Variants in GXYLT2 observed in about 807,000 individuals in gnomAD.
The protein encoded by GXYLT2 is glycosyltransferase 8 domain containing 4.
GXYLT2 carries 53 observed loss-of-function variants against 45.8 expected under a neutral mutation model. The ratio of observed to expected loss-of-function variants is 1.16; its 90% CI spans 0.93 to 1.46. The LOEUF is 1.46. Ranked by LOEUF, GXYLT2 falls within the 40% of genes most tolerant of loss-of-function variation. The pLI, the probability that GXYLT2 is intolerant of heterozygous loss-of-function variation, is 0.00. For synonymous variants in GXYLT2, 219 were observed against 214.2 expected, an observed-to-expected ratio of 1.02 and a Z score of -0.19; for missense variants, 551 against 544.4, an observed-to-expected ratio of 1.01 and a Z score of -0.12.
chr3:72,888,455 TCCGCGC>T lies in GXYLT2; in HGVS notation c.225_230del (p.Pro77_Arg78del), dbSNP rs1193739600. The T allele has an allele frequency of 8.2e-7, 1 of 1,223,044 alleles. No individual in the cohort carries two copies. Among genetic ancestry groups the T allele is most frequent in the Non-Finnish European group, 1.0e-6 (1 of 978,388 alleles). The allele number at this position is 1,223,044 out of a possible 1,614,324, so 75.8% of individuals were successfully genotyped here. A position where few individuals can be genotyped will look rare whatever the true frequency, so the allele number is the denominator to read the frequency against. On this transcript the variant is annotated inframe_deletion, in exon 1 of 7. Transcript: ENST00000389617. ...GAGTTCGGAGGCGCCGGCCCCCGCG[TCCGCGC>T]CCCCGAGCGGGCCGCCGGGGCGCTG...
At chr3:72,931,113 C>A (rs898100325) in intron 3 of GXYLT2, among the ~76,000 whole-genome samples, 2 of 152,094 alleles carry the variant, frequency 1.3e-5, no homozygotes, top group Admixed American at 6.5e-5. Flanking sequence ...TGAAGTTATA[C>A]AATGTATGTT....
rs906044203 is a variant in GXYLT2, at chr3:72,953,922, C to T, written c.601-1176C>T. ...CAGCCCAGACAACATAACAACACCT[C>T]GTCTCCACAAATAATTTAAAAAGCC... On this transcript the variant is annotated intron_variant, in intron 3 of 6. Transcript: ENST00000389617. Among the ~76,000 whole-genome samples, 65 of 152,086 alleles carry T rather than the reference C, an allele frequency of 4.3e-4. 1 individual carries two copies. Among genetic ancestry groups the T allele is most frequent in the East Asian group, 9.7e-4 (5 of 5,146 alleles).
At chr3:72,930,963 A>G (rs1403305603) in intron 3 of GXYLT2, among the ~76,000 whole-genome samples, 1 of 152,058 alleles carries the variant, frequency 6.6e-6, no homozygotes, top group Non-Finnish European at 1.5e-5. Context: ...ACAACACCAT[A>G]AACCAGCTGA....
chr3:72,950,065 G>GGTGGCTTATGCCTA (rs11267914), intron 3 of GXYLT2, among the ~76,000 whole-genome samples: 15 of 151,848 alleles, frequency 9.9e-5, no homozygotes, highest in African/African-American at 3.6e-4. Flanking sequence ...GGCCAGGCAT[G>GGTGGCTTATGCCTA]TAATCCCAGC....
chr3:72,914,213 T>C (rs1709687350), intron 2 of GXYLT2, among the ~76,000 whole-genome samples: 1 of 152,184 alleles, frequency 6.6e-6, no homozygotes. Context: ...TTAATTAGAC[T>C]TTTTAAAGTT....
intron 3 of GXYLT2, chr3:72,929,228 G>A: frequency 6.4e-7 from 1 of 1,567,918 alleles, no homozygotes; most frequent in Non-Finnish European, 8.7e-7. Flanking sequence ...ATCTCATGAG[G>A]AGAGGGAACA....
intron 2 of GXYLT2, among the ~76,000 whole-genome samples, chr3:72,916,054 A>C (rs1709736124): frequency 6.6e-6 from 1 of 151,722 alleles, no homozygotes; most frequent in East Asian, 1.9e-4. Context: ...ACTCCTCTGA[A>C]GTTGGGTGTG....
intron 3 of GXYLT2, among the ~76,000 whole-genome samples, chr3:72,950,186 C>T (rs1043636540): frequency 6.6e-6 from 1 of 152,032 alleles, no homozygotes; most frequent in African/African-American, 2.4e-5. Context: ...AGCAGCTGGG[C>T]ACAGTGGCTT....
At chr3:72,932,347 C>T (rs957633461) in intron 3 of GXYLT2, among the ~76,000 whole-genome samples, 2 of 152,166 alleles carry the variant, frequency 1.3e-5, no homozygotes, top group African/African-American at 2.4e-5. Context: ...CATGAGCCAC[C>T]GTACGTGGCC....
At chr3:72,908,291 A>T in intron 1 of GXYLT2, 76 bp from the exon 2 acceptor site, 12 of 923,204 alleles carry the variant, frequency 1.3e-5, no homozygotes, top group Non-Finnish European at 1.9e-5. Context: ...TGTTCTAACC[A>T]TTCACTCGCC....
rs530503897 is a variant in GXYLT2 at position 72,968,404 on chromosome 3, A to G, written c.1149+685A>G. 3.9e-5 allele frequency among the ~76,000 whole-genome samples: 6 copies of G among 152,356 alleles called. No individual in the cohort carries two copies. The South Asian group carries it at 1.2e-3, about 32-fold the overall frequency. ...TAGCTAAATACGTTGCCTGGTTGCC[A>G]ACTCCAATCTGTTACTCAATCAGGG... On this transcript the variant is annotated intron_variant, in intron 6 of 6. Coordinates refer to ENST00000389617, the MANE Select transcript of GXYLT2 (RefSeq NM_001080393.2).
intron 3 of GXYLT2, among the ~76,000 whole-genome samples, chr3:72,944,087 C>CT (rs72046930): frequency 0.12 from 18,167 of 149,794 alleles, 1,584 homozygotes; most frequent in East Asian, 0.36. Flanking sequence ...ATATTCAAGT[C>CT]TTTTTGTTTG....
At chr3:72,888,674 G>C (rs930521322) in intron 1 of GXYLT2, among the ~76,000 whole-genome samples, 166 bp downstream of exon 1, 1 of 152,146 alleles carries the variant, frequency 6.6e-6, no homozygotes, top group African/African-American at 2.4e-5. Context: ...ACCCACCTTG[G>C]TGGAGTCCCC....
chr3:72,963,998 G>A (rs899492413), intron 5 of GXYLT2, among the ~76,000 whole-genome samples: 13 of 150,988 alleles, frequency 8.6e-5, no homozygotes, highest in Middle Eastern at 3.4e-3. Context: ...TTGTAGAGAC[G>A]GGAGTCTCGC....
chr3:72,900,435 C>T (rs1174812390), intron 1 of GXYLT2, among the ~76,000 whole-genome samples: 2 of 151,802 alleles, frequency 1.3e-5, no homozygotes, highest in Admixed American at 6.6e-5. Flanking sequence ...TTTTTTGAGA[C>T]GGAGTTTCAC....
intron 1 of GXYLT2, among the ~76,000 whole-genome samples, chr3:72,906,451 C>T (rs1559728835): frequency 6.6e-6 from 1 of 152,178 alleles, no homozygotes; most frequent in African/African-American, 2.4e-5. Flanking sequence ...CACCCCCATC[C>T]TGCTTCACTA....
intron 1 of GXYLT2, among the ~76,000 whole-genome samples, chr3:72,891,137 G>A (rs1709173457): frequency 1.3e-5 from 2 of 152,218 alleles, no homozygotes; most frequent in South Asian, 4.2e-4. Flanking sequence ...AGAAAGCCTC[G>A]TGTTTTCAGA....
rs78796378 is a variant in GXYLT2, at chr3:72,971,520, C to A, written c.1150-3457C>A. Among the ~76,000 whole-genome samples, 491 of 152,258 alleles carry A rather than the reference C, an allele frequency of 3.2e-3. 6 individuals are homozygous for A. Among genetic ancestry groups the A allele is most frequent in the African/African-American group, 0.011 (438 of 41,546 alleles). ...TGCCATTAACTGTGCCCTTACCTTG[C>A]TGGGCCTCAGTTTTTTCATCAGTCA... On this transcript the variant is annotated intron_variant, in intron 6 of 6. Transcript: ENST00000389617.
At chr3:72,923,675 G>A (rs1039785851) in intron 3 of GXYLT2, among the ~76,000 whole-genome samples, 27 of 152,214 alleles carry the variant, frequency 1.8e-4, no homozygotes, top group African/African-American at 6.0e-4. Context: ...CTTGAGTCTA[G>A]TAGGGCCTTG....
Sources: gnomAD v4.1 joint callset for allele counts (sites outside exome capture counted in the v4.1 genomes callset) on GRCh38, gnomAD v4.1.1 for gene constraint, MANE v1.5 for transcripts, NCBI Gene and HGNC (gene_info 2026-07-23, HGNC 2026-07-21) for gene names.